Variants in RBBP4 observed in about 807,000 individuals in gnomAD.
RBBP4 encodes the protein RB binding protein 4, chromatin remodeling factor, also known as histone-binding protein RBBP4.
A neutral mutation model predicts 57.2 loss-of-function variants in RBBP4; 3 were observed. That is an observed-to-expected ratio of 0.05 (90% CI 0.02 to 0.14). RBBP4 has a LOEUF of 0.14. Among genes scored for constraint, RBBP4 ranks in the 10% least tolerant of loss-of-function variants. The probability of loss-of-function intolerance (pLI) is 1.00; values close to 1 mark genes in which losing one functional copy is unlikely to be tolerated. For synonymous variants in RBBP4, 151 were observed against 171.5 expected (o/e 0.88, Z 0.93); for missense variants, 107 against 520.6 (o/e 0.21, Z 7.73).
intron 11 of RBBP4, among the ~76,000 whole-genome samples, chr1:32,676,621 A>C (rs184782464): frequency 6.3e-3 from 207 of 32,628 alleles, no homozygotes; most frequent in Non-Finnish European, 0.032. Context: ...TCAAAAAAAA[A>C]AAAAAAAGAA....
In RBBP4 at chr1:32,668,769, G is replaced by A. The variant is rs1648756768; in HGVS notation, c.515G>A (p.Arg172His). ...TCTGGAGAGTGCAACCCAGACTTGC[G>A]TCTCCGTGGACATCAGAAGGAAGGC... ...DPSGECNPDLRLRGHQKEGYG... is the reference protein window; with the variant it reads ...DPSGECNPDLHLRGHQKEGYG... Residue 172 changes from arginine (R) to histidine (H), a missense_variant, in exon 5 of 12, where the codon CGT becomes CAT. Arg to His is a conservative substitution (Grantham distance 29). Transcript: ENST00000373493. 1.2e-6 allele frequency: 2 copies of A among 1,613,298 alleles called. No individual in the cohort carries two copies. The highest frequency in any genetic ancestry group is 1.7e-6 in the Non-Finnish European group (2 of 1,179,998).
At chr1:32,678,040 T>C (rs200976071) in intron 11 of RBBP4, among the ~76,000 whole-genome samples, 3 of 152,196 alleles carry the variant, frequency 2.0e-5, no homozygotes, top group Non-Finnish European at 2.9e-5. Flanking sequence ...TCGGAACATA[T>C]TGTTTTGGAA....
Position 32,683,746 on chromosome 1 carries a change from C to T in RBBP4, c.*4041C>T, listed in dbSNP as rs1649609174. ...CCTCCTGGTTCAAGCGATTCTCCTG[C>T]CTTGGCCTCCTGAGTAGCTGGGATT... On this transcript the variant is annotated 3_prime_UTR_variant, in exon 12 of 12. Transcript: ENST00000373493. The T allele has an allele frequency of 2.7e-6, 1 of 371,428 alleles. No individual in the cohort carries two copies. Among genetic ancestry groups the T allele is most frequent in the Non-Finnish European group, 5.0e-6 (1 of 199,428 alleles). The allele number at this position is 371,428 out of a possible 1,614,324, so 23.0% of individuals were successfully genotyped here.
chr1:32,665,824 T>C (rs1648620574), intron 3 of RBBP4, among the ~76,000 whole-genome samples: 1 of 152,022 alleles, frequency 6.6e-6, no homozygotes, highest in African/African-American at 2.4e-5. Flanking sequence ...ATCACCAAAC[T>C]AAGTAAGTGA....
intron 1 of RBBP4, chr1:32,651,620 A>C: frequency 2.4e-6 from 2 of 835,868 alleles, no homozygotes; most frequent in Non-Finnish European, 3.5e-6. Context: ...CTTCCTACCC[A>C]CAAGGCTCGG....
In RBBP4 at chr1:32,684,192, C is replaced by T. The variant is rs966154811; in HGVS notation, c.*4487C>T. ...GTTTTTGATTCTAAGGTAAAATTTT[C>T]CCTAAGCCCTCCCACCATCCCCTCA... On this transcript the variant is annotated 3_prime_UTR_variant, in exon 12 of 12. Transcript: ENST00000373493. 3 of 1,607,040 alleles carry T rather than the reference C, an allele frequency of 1.9e-6. No individual in the cohort carries two copies. Among genetic ancestry groups the T allele is most frequent in the Non-Finnish European group, 2.6e-6 (3 of 1,175,292 alleles).
rs1015458253 is a variant in RBBP4 at position 32,686,079 on chromosome 1, GATGTA to G, written c.*6381_*6385del. The G allele has an allele frequency of 1.3e-4, 20 of 152,272 alleles. No individual in the cohort carries two copies. Among genetic ancestry groups the G allele is most frequent in the Non-Finnish European group, 1.6e-4 (11 of 68,026 alleles). The allele number at this position is 152,272 out of a possible 1,614,324, so 9.4% of individuals were successfully genotyped here. A position where few individuals can be genotyped will look rare whatever the true frequency, so the allele number is the denominator to read the frequency against. The stretch of plus-strand genomic sequence containing the variant: ...TTGAAATATGACTAGTCTCAATTGA[GATGTA>G]ATGTAAGTGTAAAATACACAGCAGA... On this transcript the variant is annotated 3_prime_UTR_variant, in exon 12 of 12. Transcript: ENST00000373493.
intron 11 of RBBP4, among the ~76,000 whole-genome samples, 198 bp downstream of exon 11, chr1:32,673,099 C>A (rs567244172): frequency 6.6e-6 from 1 of 152,304 alleles, no homozygotes; most frequent in African/African-American, 2.4e-5. Context: ...ATTTTAAACT[C>A]TGCTAAACAA....
chr1:32,680,558 C>T lies in RBBP4; in HGVS notation c.*853C>T, dbSNP rs944320014. ...TCCTTGACCACTAGTTTGATGCCAT[C>T]TCCATTTTGGGTGACCTGTTTCACC... On this transcript the variant is annotated 3_prime_UTR_variant, in exon 12 of 12. Transcript: ENST00000373493. 1.3e-6 allele frequency: 2 copies of T among 1,499,958 alleles called. No individual in the cohort carries two copies. The highest frequency in any genetic ancestry group is 1.8e-6 in the Non-Finnish European group (2 of 1,113,050). 92.9% of individuals were successfully genotyped at this position (1,499,958 alleles called of 1,614,324 possible). A position where few individuals can be genotyped will look rare whatever the true frequency, so the allele number is the denominator to read the frequency against.
At chr1:32,668,164 C>A in intron 3 of RBBP4, 61 bp from the exon 4 acceptor site, 2 of 1,476,166 alleles carry the variant, frequency 1.4e-6, no homozygotes, top group Non-Finnish European at 1.8e-6. Flanking sequence ...TGTTCTTATA[C>A]TCTGGGTAAC....
At chr1:32,679,599 G>T in intron 11 of RBBP4, 41 bp from the exon 12 acceptor site, 1 of 1,522,872 alleles carries the variant, frequency 6.6e-7, no homozygotes, top group Non-Finnish European at 8.8e-7. Context: ...AGTTTTAGAA[G>T]AAGTCTTCAT....
At position 32,683,196 on chromosome 1, in the gene RBBP4, C is replaced by G. The variant is rs186787466; in HGVS notation, c.*3491C>G. 1 of 145,650 alleles carries G rather than the reference C, an allele frequency of 6.9e-6. No homozygotes were observed. Among genetic ancestry groups the G allele is most frequent in the Admixed American group, 7.2e-5 (1 of 13,940 alleles). 9.0% of individuals were successfully genotyped at this position (145,650 alleles called of 1,614,324 possible). A position where few individuals can be genotyped will look rare whatever the true frequency, so the allele number is the denominator to read the frequency against. On this transcript the variant is annotated 3_prime_UTR_variant, in exon 12 of 12. Transcript: ENST00000373493. Reference sequence around the variant, plus strand: ...ACTTGGGAGGCTGAGGCAGGGGAATCGCTTGAACCCGGGAGGCAGAGGTCA... The same window carrying G: ...ACTTGGGAGGCTGAGGCAGGGGAATGGCTTGAACCCGGGAGGCAGAGGTCA...
At chr1:32,653,519 AC>A (rs1647982505) in intron 2 of RBBP4, among the ~76,000 whole-genome samples, 3 of 152,074 alleles carry the variant, frequency 2.0e-5, no homozygotes, top group Non-Finnish European at 4.4e-5. Flanking sequence ...TGAGGCTGCT[AC>A]CTTTACAGTG....
In RBBP4 at chr1:32,685,499, A is replaced by C. The variant is rs754873711; in HGVS notation, c.*5794A>C. On this transcript the variant is annotated 3_prime_UTR_variant, in exon 12 of 12. Coordinates refer to ENST00000373493, the MANE Select transcript of RBBP4 (RefSeq NM_005610.3). The stretch of plus-strand genomic sequence containing the variant: ...CTAAGGAATCCAGTTGTTGGGGTAC[A>C]TGCTATTATTAGAAGGATCTAGATA... 1.3e-5 allele frequency: 2 copies of C among 152,210 alleles called. No individual in the cohort carries two copies. The highest frequency in any genetic ancestry group is 2.9e-5 in the Non-Finnish European group (2 of 68,038). 9.4% of individuals were successfully genotyped at this position (152,210 alleles called of 1,614,324 possible).
chr1:32,670,340 G>A (rs1267592583), intron 8 of RBBP4, among the ~76,000 whole-genome samples: 1 of 151,762 alleles, frequency 6.6e-6, no homozygotes, highest in Non-Finnish European at 1.5e-5. Flanking sequence ...TCAACCTCTG[G>A]CTCCATATTT....
chr1:32,682,163 A>G lies in RBBP4; in HGVS notation c.*2458A>G, dbSNP rs529360868. 1 of 346,326 alleles carries G rather than the reference A, an allele frequency of 2.9e-6. No homozygotes were observed. Among genetic ancestry groups the G allele is most frequent in the East Asian group, 6.1e-5 (1 of 16,262 alleles). 21.5% of individuals were successfully genotyped at this position (346,326 alleles called of 1,614,324 possible). A position where few individuals can be genotyped will look rare whatever the true frequency, so the allele number is the denominator to read the frequency against. On this transcript the variant is annotated 3_prime_UTR_variant, in exon 12 of 12. Coordinates refer to ENST00000373493, the MANE Select transcript of RBBP4 (RefSeq NM_005610.3). The stretch of plus-strand genomic sequence containing the variant: ...TTCCAGATTGTACACAATCTGATCA[A>G]CACAAAGGTAGTTAGTAGATCATTA...
intron 11 of RBBP4, among the ~76,000 whole-genome samples, chr1:32,677,810 G>A (rs1364747574): frequency 2.0e-5 from 3 of 152,094 alleles, no homozygotes; most frequent in Non-Finnish European, 4.4e-5. Flanking sequence ...CTTTTCTCTG[G>A]GGTCAGATCA....
chr1:32,679,005 T>C (rs1178849232), intron 11 of RBBP4, among the ~76,000 whole-genome samples: 2 of 152,136 alleles, frequency 1.3e-5, no homozygotes, highest in African/African-American at 4.8e-5. Flanking sequence ...TTATTAATAA[T>C]GTCTGGTTAG....
Position 32,672,546 on chromosome 1 carries a change from C to T in RBBP4, c.1043+20C>T, listed in dbSNP as rs780207632. On this transcript the variant is annotated intron_variant, in intron 9 of 11. Transcript: ENST00000373493. Reference sequence around the variant, plus strand: ...TTTAAGGTAATTCTTGTATTCATTCCTCTCTCTACATAATTATTTCCTTTA... The same window carrying T: ...TTTAAGGTAATTCTTGTATTCATTCTTCTCTCTACATAATTATTTCCTTTA... 6.3e-7 allele frequency: 1 copy of T among 1,597,080 alleles called. No homozygotes were observed. The highest frequency in any genetic ancestry group is 1.1e-5 in the South Asian group (1 of 90,634).
Sources: gnomAD v4.1 joint callset for allele counts (sites outside exome capture counted in the v4.1 genomes callset) on GRCh38, gnomAD v4.1.1 for gene constraint, MANE v1.5 for transcripts, NCBI Gene and HGNC (gene_info 2026-07-23, HGNC 2026-07-21) for gene names.